Variants in RGMA observed in about 807,000 individuals in gnomAD.
RGMA encodes repulsive guidance molecule A.
In RGMA, 10 loss-of-function variants were observed where a neutral mutation model predicts 23.2. The ratio of observed to expected loss-of-function variants is 0.43; its 90% confidence interval spans 0.27 to 0.73. The LOEUF is 0.73. Among genes scored for constraint, RGMA ranks in the 30% least tolerant of loss-of-function variants. The pLI is 0.20. For missense variants in RGMA, 547 were observed against 630.5 expected, an observed-to-expected ratio of 0.87 and a Z score of 1.42; for synonymous variants, 308 against 279.3, an observed-to-expected ratio of 1.10 and a Z score of -1.03.
intron 3 of RGMA, among the ~76,000 whole-genome samples, chr15:93,048,829 T>C (rs942626498): frequency 2.3e-5 from 3 of 131,552 alleles, no homozygotes; most frequent in Admixed American, 8.6e-5. Context: ...GGGCCGTGGG[T>C]GGTCCTGCCA....
intron 2 of RGMA, 150 bp from the exon 3 acceptor site, chr15:93,052,657 G>A (rs2054947123): frequency 1.5e-5 from 14 of 925,886 alleles, no homozygotes; most frequent in African/African-American, 8.3e-5. Context: ...ATTTCCTGCA[G>A]GTGGTAGGAA....
At chr15:93,061,732 G>A (rs1297456065) in intron 2 of RGMA, among the ~76,000 whole-genome samples, 4 of 152,204 alleles carry the variant, frequency 2.6e-5, no homozygotes, top group African/African-American at 7.2e-5. Flanking sequence ...CTGCACCAAC[G>A]CTGGCAGGAT....
At chr15:93,073,268 G>T in intron 1 of RGMA, 1 of 946,866 alleles carries the variant, frequency 1.1e-6, no homozygotes, top group Non-Finnish European at 1.3e-6. Flanking sequence ...CCGCCCCCTC[G>T]CGCTCGGGTT....
chr15:93,074,689 C>T (rs1414138223), intron 1 of RGMA, among the ~76,000 whole-genome samples: 2 of 152,206 alleles, frequency 1.3e-5, no homozygotes, highest in African/African-American at 4.8e-5. Flanking sequence ...AGTGAAAGCC[C>T]ACCATCGAAA....
At chr15:93,061,082 G>C (rs1894944828) in intron 2 of RGMA, among the ~76,000 whole-genome samples, 2 of 152,230 alleles carry the variant, frequency 1.3e-5, no homozygotes, top group Non-Finnish European at 2.9e-5. Flanking sequence ...TTCCCCACTT[G>C]CATGTCAGTC....
At chr15:93,050,475 C>T (rs1030674455) in intron 3 of RGMA, among the ~76,000 whole-genome samples, 11 of 152,170 alleles carry the variant, frequency 7.2e-5, no homozygotes, top group Non-Finnish European at 1.0e-4. Context: ...TCTCAGCCTG[C>T]TGAGATCAAA....
rs1026883836 is a variant in RGMA, at chr15:93,039,410, T to C, written c.*5588A>G. ...ATTTCTTTTCTTAAAATTATGATTA[T>C]ACTTTCAGTTATGGGGTACACGTGC... is the stretch of plus-strand genomic sequence containing the variant. On this transcript the variant is annotated 3_prime_UTR_variant, in exon 4 of 4. Transcript: ENST00000329082. 2.0e-5 allele frequency: 3 copies of C among 152,244 alleles called. No individual in the cohort carries two copies. The highest frequency in any genetic ancestry group is 2.9e-5 in the Non-Finnish European group (2 of 68,050). The allele number at this position is 152,244 out of a possible 1,614,324, so 9.4% of individuals were successfully genotyped here.
At chr15:93,073,398 C>G (rs1222714422) in intron 1 of RGMA, among the ~76,000 whole-genome samples, 1 of 152,138 alleles carries the variant, frequency 6.6e-6, no homozygotes, top group Non-Finnish European at 1.5e-5. Flanking sequence ...GCGCCACGCT[C>G]CCCGACCCTC....
intron 2 of RGMA, chr15:93,066,086 A>C: frequency 6.6e-7 from 1 of 1,513,564 alleles, no homozygotes; most frequent in South Asian, 1.1e-5. Flanking sequence ...CGGGGGATGA[A>C]TCGGCGAAAC....
intron 1 of RGMA, among the ~76,000 whole-genome samples, chr15:93,085,377 C>CT (rs1895620796): frequency 6.6e-6 from 1 of 152,238 alleles, no homozygotes. Flanking sequence ...AATTGGCCTC[C>CT]TTTGACCAGA....
rs1349008643 is a variant in RGMA, at chr15:93,041,602, A to C, written c.*3396T>G. ...CATTTAGCATTTTCGTCTAGTAGAG[A>C]TTTCTTTTTTCTTTTTCTTCTGTGT... On this transcript the variant is annotated 3_prime_UTR_variant, in exon 4 of 4. Coordinates refer to ENST00000329082, the MANE Select transcript of RGMA (RefSeq NM_020211.3). 1.3e-5 allele frequency: 2 copies of C among 151,938 alleles called. No homozygotes were observed. Among genetic ancestry groups the C allele is most frequent in the African/African-American group, 2.4e-5 (1 of 41,346 alleles). The allele number at this position is 151,938 out of a possible 1,614,324, so 9.4% of individuals were successfully genotyped here. A position where few individuals can be genotyped will look rare whatever the true frequency, so the allele number is the denominator to read the frequency against.
At chr15:93,063,099 G>C (rs1035226720) in intron 2 of RGMA, 1 of 152,208 alleles carries the variant, frequency 6.6e-6, no homozygotes, top group African/African-American at 2.4e-5. Flanking sequence ...CTGAAGAGGC[G>C]ATGGCTTCAA....
chr15:93,038,565 A>C lies in RGMA; in HGVS notation c.*6433T>G, dbSNP rs2054684939. 1 of 82,984 alleles carries C rather than the reference A, an allele frequency of 1.2e-5. No homozygotes were observed. The highest frequency in any genetic ancestry group is 4.3e-5 in the African/African-American group (1 of 23,502). The allele number at this position is 82,984 out of a possible 1,614,324, so 5.1% of individuals were successfully genotyped here. The stretch of plus-strand genomic sequence containing the variant: ...CATTGCCTTAATGAACGAAACTGTT[A>C]GTTGTTTTTTTTTTTTTTTTGAGAC... On this transcript the variant is annotated 3_prime_UTR_variant, in exon 4 of 4. Transcript: ENST00000329082.
At position 93,073,116 on chromosome 15, in the gene RGMA, G is replaced by A. The variant is rs1359073890; in HGVS notation, c.15-85C>T. 3.6e-6 allele frequency: 5 copies of A among 1,374,430 alleles called. No homozygotes were observed. In the East Asian group the frequency reaches 9.3e-5, roughly 25 times the overall value. 85.1% of individuals were successfully genotyped at this position (1,374,430 alleles called of 1,614,324 possible). A position where few individuals can be genotyped will look rare whatever the true frequency, so the allele number is the denominator to read the frequency against. On this transcript the variant is annotated intron_variant, in intron 1 of 3. Transcript: ENST00000329082. ...CTCGCTCCGCCGGCGGGAGCAGCGA[G>A]CCGGGAGGCTCCGTCCACCTCGGCC...
rs1424759061 is a variant in RGMA at position 93,067,972 on chromosome 15, T to C, written c.130+4944A>G. ...GGAAGGACCCATGGCCCCAGGTGAT[T>C]AGACCACATGGAGGGGCCCACTTCA... On this transcript the variant is annotated intron_variant, in intron 2 of 3. Coordinates refer to ENST00000329082, the MANE Select transcript of RGMA (RefSeq NM_020211.3). Among the ~76,000 whole-genome samples, 5 of 152,080 alleles carry C rather than the reference T, an allele frequency of 3.3e-5. No individual in the cohort carries two copies. The East Asian group carries it at 7.8e-4, about 24-fold the overall frequency.
At chr15:93,072,075 C>CA (rs1465830065) in intron 2 of RGMA, among the ~76,000 whole-genome samples, 2 of 152,114 alleles carry the variant, frequency 1.3e-5, no homozygotes, top group African/African-American at 4.8e-5. Flanking sequence ...ATAAAGAAAA[C>CA]AGGCCGGGGA....
chr15:93,065,781 A>AG, intron 2 of RGMA: 1 of 1,072,528 alleles, frequency 9.3e-7, no homozygotes, highest in South Asian at 1.2e-5. Context: ...CTTCCGTGGT[A>AG]GGCTGGCTGG....
chr15:93,070,643 C>T (rs1255011469), intron 2 of RGMA, among the ~76,000 whole-genome samples: 2 of 152,164 alleles, frequency 1.3e-5, no homozygotes, highest in Admixed American at 6.5e-5. Context: ...TTTTGGAGCC[C>T]CCAGTATATT....
At chr15:93,088,463 G>A (rs990362654) in intron 1 of RGMA, 102 of 987,048 alleles carry the variant, frequency 1.0e-4, no homozygotes, top group Admixed American at 1.2e-4. Context: ...GGTGCACTGC[G>A]CCGACATCCC....
Sources: gnomAD v4.1 joint callset for allele counts (sites outside exome capture counted in the v4.1 genomes callset) on GRCh38, gnomAD v4.1.1 for gene constraint, MANE v1.5 for transcripts, NCBI Gene and HGNC (gene_info 2026-07-23, HGNC 2026-07-21) for gene names.